The following KIRREL3 variants were observed in gnomAD, a reference collection of about 807,000 sequenced individuals.
KIRREL3 encodes kirre like nephrin family adhesion molecule 3.
A neutral mutation model predicts 89.7 loss-of-function variants in KIRREL3; 36 were observed. The ratio of observed to expected loss-of-function variants is 0.40; its 90% confidence interval spans 0.31 to 0.53. The LOEUF (loss-of-function observed/expected upper bound fraction) is 0.53, where lower values mean the gene tolerates loss of function less well. KIRREL3 is among the 20% of genes least tolerant of loss of function. The probability of loss-of-function intolerance (pLI) is 0.49; values close to 1 mark genes in which losing one functional copy is unlikely to be tolerated. For missense variants in KIRREL3, 864 were observed against 1,056.6 expected, an observed-to-expected ratio of 0.82 and a Z score of 2.53; for synonymous variants, 445 against 441.4, an observed-to-expected ratio of 1.01 and a Z score of -0.10.
chr11:126,859,841 C>T (rs1057410584), intron 1 of KIRREL3, among the ~76,000 whole-genome samples: 1 of 152,172 alleles, frequency 6.6e-6, no homozygotes, highest in African/African-American at 2.4e-5. Context: ...ATAGCACCAA[C>T]CTTAACCTGA....
chr11:126,680,670 T>C (rs976786721), intron 1 of KIRREL3, among the ~76,000 whole-genome samples: 1 of 151,942 alleles, frequency 6.6e-6, no homozygotes, highest in Admixed American at 6.6e-5. Flanking sequence ...CTTTTCAAAG[T>C]TTTTTAGAGG....
rs570339486 is a variant in KIRREL3, at chr11:126,590,927, T to C, written c.56-28015A>G. ...CCCATTCTCTTGAGGATTTGCCTTA[T>C]TAGAAAGTGATCTGGCTGGGTGCGG... is the stretch of plus-strand genomic sequence containing the variant. On this transcript the variant is annotated intron_variant, in intron 1 of 16. Transcript: ENST00000525144. 2.0e-5 allele frequency among the ~76,000 whole-genome samples: 3 copies of C among 152,326 alleles called. No homozygotes were observed. In the South Asian group the frequency reaches 6.2e-4, roughly 32 times the overall value.
chr11:126,721,825 G>A (rs972160212), intron 1 of KIRREL3, among the ~76,000 whole-genome samples: 1 of 152,220 alleles, frequency 6.6e-6, no homozygotes, highest in Non-Finnish European at 1.5e-5. Context: ...CACCTGTGAA[G>A]AGCCATCTGG....
At chr11:126,745,676 C>G (rs1949125342) in intron 1 of KIRREL3, among the ~76,000 whole-genome samples, 3 of 152,182 alleles carry the variant, frequency 2.0e-5, no homozygotes, top group East Asian at 1.9e-4. Flanking sequence ...ATCAGGTGGT[C>G]TAACCACTGA....
intron 10 of KIRREL3, chr11:126,440,846 C>G: frequency 2.1e-6 from 1 of 478,006 alleles, no homozygotes; most frequent in Admixed American, 3.7e-5. Context: ...AGATAAAGTG[C>G]TAACCGACTT....
Position 126,521,494 on chromosome 11 carries a change from T to C in KIRREL3, c.284-30A>G. 1.3e-6 allele frequency: 2 copies of C among 1,559,516 alleles called. No homozygotes were observed. The highest frequency in any genetic ancestry group is 1.7e-6 in the Non-Finnish European group (2 of 1,152,114). The stretch of plus-strand genomic sequence containing the variant: ...GGAGACAACAGGCAGGTCAGGGAGC[T>C]GGGGTGGGGTGGAGGGGACACCCAT... On this transcript the variant is annotated intron_variant, in intron 3 of 16. Coordinates refer to ENST00000525144, the MANE Select transcript of KIRREL3 (RefSeq NM_032531.4). The surrounding 1 kb of genome is among the most constrained non-coding windows in gnomAD (Gnocchi z 4.1).
chr11:126,801,612 C>T (rs997264184), intron 1 of KIRREL3, among the ~76,000 whole-genome samples: 3 of 152,182 alleles, frequency 2.0e-5, no homozygotes, highest in African/African-American at 7.2e-5. Flanking sequence ...TGCCACTCAC[C>T]AGCTGTGGGA....
At chr11:126,757,817 G>C (rs1272833848) in intron 1 of KIRREL3, among the ~76,000 whole-genome samples, 2 of 152,184 alleles carry the variant, frequency 1.3e-5, no homozygotes, top group Non-Finnish European at 2.9e-5. Flanking sequence ...AGGAAATCTA[G>C]TCAAGGATCT....
rs1314804256 is a variant in KIRREL3 at position 126,520,618 on chromosome 11, A to G, written c.433+697T>C. ...AGGGAGACTCCCGGGACTGAACTCTAAATCAGAACTAGGCGGTTTAAGAGG... is the reference window on the plus strand; with the variant it reads ...AGGGAGACTCCCGGGACTGAACTCTGAATCAGAACTAGGCGGTTTAAGAGG... On this transcript the variant is annotated intron_variant, in intron 4 of 16. Transcript: ENST00000525144. The surrounding 1 kb of genome is among the most constrained non-coding windows in gnomAD (Gnocchi z 4.9). Among the ~76,000 whole-genome samples the G allele has an allele frequency of 6.6e-6, 1 of 152,220 alleles. No homozygotes were observed. The highest frequency in any genetic ancestry group is 2.4e-5 in the African/African-American group (1 of 41,458).
chr11:126,554,662 C>T (rs191001108), intron 2 of KIRREL3, among the ~76,000 whole-genome samples: 312 of 152,260 alleles, frequency 2.0e-3, no homozygotes, highest in African/African-American at 6.8e-3. Flanking sequence ...CTAATGGAGA[C>T]CAAACAGAGC....
intron 1 of KIRREL3, among the ~76,000 whole-genome samples, chr11:126,835,748 T>C (rs112941487): frequency 0.013 from 2,048 of 152,320 alleles, 49 homozygotes; most frequent in African/African-American, 0.047. Flanking sequence ...GGTCTGGCTT[T>C]TGCCAGTACC....
intron 1 of KIRREL3, among the ~76,000 whole-genome samples, chr11:126,913,147 T>C (rs1367351037): frequency 1.3e-5 from 2 of 152,236 alleles, no homozygotes; most frequent in Non-Finnish European, 2.9e-5. Flanking sequence ...TCATCCATCT[T>C]TCAGTGTCCT....
intron 1 of KIRREL3, among the ~76,000 whole-genome samples, chr11:126,730,642 G>A (rs1037631508): frequency 2.0e-5 from 3 of 152,228 alleles, no homozygotes; most frequent in African/African-American, 4.8e-5. Flanking sequence ...AGCTGAACAC[G>A]ATACAATGCA....
chr11:126,521,284 T>C lies in KIRREL3; in HGVS notation c.433+31A>G. Reference sequence around the variant, plus strand: ...GCTGAGCCCTTGGTGCTTCACGCAGTGTCCCAGCCCCGTGTGCAGATGGTT... The same window carrying C: ...GCTGAGCCCTTGGTGCTTCACGCAGCGTCCCAGCCCCGTGTGCAGATGGTT... On this transcript the variant is annotated intron_variant, in intron 4 of 16. Transcript: ENST00000525144. The surrounding 1 kb of genome is among the most constrained non-coding windows in gnomAD (Gnocchi z 4.1). The C allele has an allele frequency of 6.7e-7, 1 of 1,492,700 alleles. No homozygotes were observed. Among genetic ancestry groups the C allele is most frequent in the Admixed American group, 2.2e-5 (1 of 46,190 alleles). The allele number at this position is 1,492,700 out of a possible 1,614,324, so 92.5% of individuals were successfully genotyped here. A position where few individuals can be genotyped will look rare whatever the true frequency, so the allele number is the denominator to read the frequency against.
chr11:126,721,790 C>T (rs7121340), intron 1 of KIRREL3, among the ~76,000 whole-genome samples: 121,310 of 152,042 alleles, frequency 0.8, 48,999 homozygotes, highest in East Asian at 0.99. Flanking sequence ...TAACAGGGTG[C>T]GTTGGAGGGA....
chr11:126,894,542 CAAAAAAAA>C (rs10630231), intron 1 of KIRREL3, among the ~76,000 whole-genome samples: 22 of 17,478 alleles, frequency 1.3e-3, no homozygotes, highest in African/African-American at 2.0e-3. Context: ...GACCTCATCT[CAAAAAAAA>C]AAAAAAAAAA....
In KIRREL3 at chr11:126,578,192, C is replaced by T. The variant is rs1941357017; in HGVS notation, c.56-15280G>A. Among the ~76,000 whole-genome samples, 1 of 152,204 alleles carries T rather than the reference C, an allele frequency of 6.6e-6. No homozygotes were observed. Among genetic ancestry groups the T allele is most frequent in the African/African-American group, 2.4e-5 (1 of 41,456 alleles). On this transcript the variant is annotated intron_variant, in intron 1 of 16. Transcript: ENST00000525144. The surrounding 1 kb of genome is among the most constrained non-coding windows in gnomAD (Gnocchi z 4.9). ...ACTACTGAGAAGTTTAACAGACAAT[C>T]TTTTCTTTTCCAAAATAAACAACCC...
rs1427235799 is a variant in KIRREL3, at chr11:126,519,035, T to C, written c.433+2280A>G. Among the ~76,000 whole-genome samples, 1 of 152,198 alleles carries C rather than the reference T, an allele frequency of 6.6e-6. No homozygotes were observed. The highest frequency in any genetic ancestry group is 1.5e-5 in the Non-Finnish European group (1 of 68,022). On this transcript the variant is annotated intron_variant, in intron 4 of 16. Transcript: ENST00000525144. The surrounding 1 kb of genome is among the most constrained non-coding windows in gnomAD (Gnocchi z 4.3). ...AGGCTCCCTTTCTGGCTCTCAGGAA[T>C]TTCACGGAGGGGACCCTGCTGGGGA...
rs1413311507 is a variant in KIRREL3, at chr11:126,954,338, T to C, written c.55+46117A>G. On this transcript the variant is annotated intron_variant, in intron 1 of 16. Transcript: ENST00000525144. This position sits in a 1 kb window ranked among gnomAD's most constrained non-coding sequence, Gnocchi z 4.1. ...ACGTTAGAGTTGAGTTCAGACTTAT[T>C]TTGTGCTATTATAGCCGATTGATTA... Among the ~76,000 whole-genome samples, 3 of 152,160 alleles carry C rather than the reference T, an allele frequency of 2.0e-5. No homozygotes were observed. Among genetic ancestry groups the C allele is most frequent in the African/African-American group, 4.8e-5 (2 of 41,436 alleles).
Sources: allele counts gnomAD v4.1 joint callset (sites outside exome capture counted in the v4.1 genomes callset), GRCh38; gene constraint gnomAD v4.1.1; non-coding constraint Gnocchi (gnomAD v3.1); transcripts MANE v1.5; gene names NCBI Gene and HGNC (gene_info 2026-07-23, HGNC 2026-07-21).